CUEDC1: variants seen among roughly 807,000 people sequenced by gnomAD.
CUEDC1 encodes the protein CUE domain containing 1.
Under a neutral mutation model 43.7 loss-of-function variants are expected in CUEDC1, and 30 were observed. That is an observed-to-expected ratio of 0.69 (90% confidence interval 0.51 to 0.93). The LOEUF is 0.93. Among genes scored for constraint, CUEDC1 ranks in the 40% least tolerant of loss-of-function variants. CUEDC1 has a pLI of 0.00. For synonymous variants in CUEDC1, 223 were observed against 223.6 expected, an observed-to-expected ratio of 1.00 and a Z score of 0.02; for missense variants, 486 against 549.0, an observed-to-expected ratio of 0.89 and a Z score of 1.15.
intron 2 of CUEDC1, 147 bp from the exon 3 acceptor site, chr17:57,879,885 T>C: frequency 1.2e-6 from 1 of 829,502 alleles, no homozygotes; most frequent in East Asian, 3.1e-5. Flanking sequence ...CAATCACCAC[T>C]TTAGAAAACT....
chr17:57,939,579 C>G (rs1004155718), intron 1 of CUEDC1, among the ~76,000 whole-genome samples: 1 of 152,146 alleles, frequency 6.6e-6, no homozygotes, highest in Non-Finnish European at 1.5e-5. Context: ...TTCGCCTGAC[C>G]TGAACAGCTT....
At chr17:57,927,323 C>A (rs974440697) in intron 1 of CUEDC1, among the ~76,000 whole-genome samples, 2 of 151,920 alleles carry the variant, frequency 1.3e-5, no homozygotes, top group Admixed American at 6.6e-5. Context: ...TCTCCAGAAG[C>A]CCTGCCATTG....
At chr17:57,880,555 C>G (rs2074189805) in intron 2 of CUEDC1, among the ~76,000 whole-genome samples, 1 of 152,146 alleles carries the variant, frequency 6.6e-6, no homozygotes, top group Non-Finnish European at 1.5e-5. Context: ...AGAAGAGGGC[C>G]AGGGAGAGGC....
intron 2 of CUEDC1, among the ~76,000 whole-genome samples, chr17:57,882,268 T>G (rs2074217580): frequency 6.8e-6 from 1 of 147,330 alleles, no homozygotes; most frequent in South Asian, 2.2e-4. Context: ...GCTCAGGAGC[T>G]GCCTGCCTAT....
chr17:57,886,887 C>T (rs1358274298), intron 1 of CUEDC1, among the ~76,000 whole-genome samples: 3 of 145,132 alleles, frequency 2.1e-5, no homozygotes, highest in South Asian at 2.2e-4. Context: ...GGCACGATCT[C>T]GGTTCACTGC....
chr17:57,910,051 G>A (rs965583728), intron 1 of CUEDC1, among the ~76,000 whole-genome samples: 2 of 152,262 alleles, frequency 1.3e-5, no homozygotes, highest in African/African-American at 2.4e-5. Flanking sequence ...TGCAGTTGCA[G>A]GACCATAGCT....
At chr17:57,907,228 T>C (rs1313261682) in intron 1 of CUEDC1, among the ~76,000 whole-genome samples, 2 of 152,148 alleles carry the variant, frequency 1.3e-5, no homozygotes, top group Non-Finnish European at 2.9e-5. Context: ...TTGTGGACAT[T>C]TGAAATCCTT....
chr17:57,888,260 A>C (rs1487643221), intron 1 of CUEDC1, among the ~76,000 whole-genome samples: 3 of 152,230 alleles, frequency 2.0e-5, no homozygotes, highest in Non-Finnish European at 4.4e-5. Context: ...AATGTAATCA[A>C]ACCATAAATC....
chr17:57,864,782 G>A (rs1306974536), intron 10 of CUEDC1, among the ~76,000 whole-genome samples: 1 of 152,114 alleles, frequency 6.6e-6, no homozygotes, highest in African/African-American at 2.4e-5. Flanking sequence ...GTGCAGGTAC[G>A]GTGGCTCACA....
intron 1 of CUEDC1, among the ~76,000 whole-genome samples, chr17:57,935,303 G>T (rs2074848903): frequency 6.6e-6 from 1 of 151,866 alleles, no homozygotes; most frequent in Non-Finnish European, 1.5e-5. Flanking sequence ...AATCAGTGTA[G>T]AGCAGTGAAG....
At chr17:57,883,461 T>C (rs1373281857) in intron 2 of CUEDC1, among the ~76,000 whole-genome samples, 1 of 152,204 alleles carries the variant, frequency 6.6e-6, no homozygotes, top group East Asian at 1.9e-4. Flanking sequence ...CAGTGGCTCA[T>C]GCCTGTAATC....
chr17:57,944,938 G>A (rs544374342), intron 1 of CUEDC1, among the ~76,000 whole-genome samples: 14 of 152,090 alleles, frequency 9.2e-5, no homozygotes, highest in Admixed American at 2.0e-4. Context: ...AGAGGGTGTC[G>A]CCCCATCAGA....
intron 1 of CUEDC1, among the ~76,000 whole-genome samples, chr17:57,905,928 G>A (rs554598409): frequency 6.6e-6 from 1 of 152,296 alleles, no homozygotes; most frequent in Non-Finnish European, 1.5e-5. Flanking sequence ...AATATGCCTT[G>A]TTTCTGCAGT....
At chr17:57,874,216 G>A (rs2074077828) in intron 3 of CUEDC1, among the ~76,000 whole-genome samples, 1 of 152,166 alleles carries the variant, frequency 6.6e-6, no homozygotes, top group Non-Finnish European at 1.5e-5. Flanking sequence ...CCTACAGAGG[G>A]TAAAGCAGAT....
At chr17:57,908,609 CCA>C (rs1322227168) in intron 1 of CUEDC1, among the ~76,000 whole-genome samples, 1 of 152,186 alleles carries the variant, frequency 6.6e-6, no homozygotes, top group Non-Finnish European at 1.5e-5. Flanking sequence ...GATGTTGTAT[CCA>C]GGGGCTTCCT....
intron 1 of CUEDC1, among the ~76,000 whole-genome samples, chr17:57,899,580 C>T (rs1459516406): frequency 1.3e-5 from 2 of 152,176 alleles, no homozygotes; most frequent in Non-Finnish European, 2.9e-5. Flanking sequence ...TACAGCAGCA[C>T]ATGCCAGCAC....
chr17:57,953,182 G>T (rs1277044826), intron 1 of CUEDC1, among the ~76,000 whole-genome samples: 1 of 152,114 alleles, frequency 6.6e-6, no homozygotes, highest in African/African-American at 2.4e-5. Context: ...GCTCTTAAAG[G>T]CCTGGATCTC....
At chr17:57,935,405 A>AC (rs56226705) in intron 1 of CUEDC1, among the ~76,000 whole-genome samples, 47 of 149,906 alleles carry the variant, frequency 3.1e-4, no homozygotes, top group Non-Finnish European at 4.3e-4. Context: ...ACACACACAC[A>AC]AACACACACA....
chr17:57,879,677 G>A lies in CUEDC1; in HGVS notation c.398C>T (p.Pro133Leu), dbSNP rs957586221. The A allele has an allele frequency of 4.4e-6, 7 of 1,602,842 alleles. No homozygotes were observed. The highest frequency in any genetic ancestry group is 1.4e-5 in the African/African-American group (1 of 73,998). ...SDEEPPPVYS[P>L]PAYHMHVFDR... ...GAACACGTGCATGTGGTAGGCTGGC[G>A]GGGAGTACACAGGTGGGGGCTCTTC... Residue 133 changes from proline (P) to leucine (L), a missense_variant, in exon 3 of 11, where the codon CCG becomes CTG. Pro to Leu is a moderately conservative substitution (Grantham distance 98, BLOSUM62 -3). Coordinates refer to ENST00000577830, the MANE Select transcript of CUEDC1 (RefSeq NM_001271875.2).
Sources: allele counts gnomAD v4.1 joint callset (sites outside exome capture counted in the v4.1 genomes callset), GRCh38; gene constraint gnomAD v4.1.1; transcripts MANE v1.5; gene names NCBI Gene and HGNC (gene_info 2026-07-23, HGNC 2026-07-21).